The following TENM3 variants were observed in gnomAD, a reference collection of about 807,000 sequenced individuals.
TENM3 encodes the protein teneurin-3.
In TENM3, 63 loss-of-function variants were observed where a neutral mutation model predicts 255.1. The observed-to-expected ratio is 0.25, with a 90% CI of 0.20 to 0.30. The LOEUF (loss-of-function observed/expected upper bound fraction) is 0.30, where lower values mean the gene tolerates loss of function less well. Ranked by LOEUF, TENM3 falls within the 10% of genes least tolerant of loss-of-function variation. The pLI is 1.00. For missense variants in TENM3, 2,929 were observed against 3,461.1 expected (o/e 0.85, Z 3.86); for synonymous variants, 1,306 against 1,322.3 (o/e 0.99, Z 0.27).
At chr4:181,755,577 C>G in the TENM3 span, among the ~76,000 whole-genome samples, 1 of 152,056 alleles carries the variant, frequency 6.6e-6, no homozygotes, top group African/African-American at 2.4e-5. Context: ...GGAAATCAGA[C>G]CAATTATTTA....
At chr4:182,033,340 T>G in the TENM3 span, among the ~76,000 whole-genome samples, 1 of 152,172 alleles carries the variant, frequency 6.6e-6, no homozygotes, top group East Asian at 1.9e-4. Context: ...ACTTTCCATA[T>G]AGTTGTGTGG....
At chr4:182,161,654 C>CAAATATATATATGTATAT (rs1751214135) in intron 1 of TENM3, among the ~76,000 whole-genome samples, 1 of 77,650 alleles carries the variant, frequency 1.3e-5, no homozygotes, top group African/African-American at 5.5e-5. Context: ...TATATATATA[C>CAAATATATATATGTATAT]ACACACACAA....
At chr4:181,652,383 ACT>A in the TENM3 span, among the ~76,000 whole-genome samples, 1 of 152,084 alleles carries the variant, frequency 6.6e-6, no homozygotes, top group Non-Finnish European at 1.5e-5. Context: ...CCTCGCCTAC[ACT>A]CTCTACGAAA....
chr4:182,022,364 A>G, the TENM3 span, among the ~76,000 whole-genome samples: 1 of 151,936 alleles, frequency 6.6e-6, no homozygotes, highest in Non-Finnish European at 1.5e-5. Flanking sequence ...GGACACACAA[A>G]TGGAAACAAC....
chr4:181,892,172 C>T, the TENM3 span, among the ~76,000 whole-genome samples: 17 of 152,288 alleles, frequency 1.1e-4, no homozygotes, highest in African/African-American at 3.8e-4. Context: ...CAGACTAAGA[C>T]ACTTCCTACT....
intron 6 of TENM3, among the ~76,000 whole-genome samples, chr4:182,671,246 T>C (rs11132146): frequency 0.044 from 6,744 of 152,246 alleles, 286 homozygotes; most frequent in East Asian, 0.19. Context: ...AGTATCTTCC[T>C]TAAGGTCACA....
the TENM3 span, chr4:181,976,154 C>G: frequency 6.6e-6 from 1 of 152,456 alleles, no homozygotes; most frequent in African/African-American, 2.4e-5. Flanking sequence ...GGGTCTCACT[C>G]TGTTGCCCAG....
chr4:181,906,969 C>T, the TENM3 span, among the ~76,000 whole-genome samples: 4 of 152,268 alleles, frequency 2.6e-5, no homozygotes, highest in East Asian at 1.9e-4. Context: ...ACCTGCGCCT[C>T]GTGAGTTCAA....
the TENM3 span, among the ~76,000 whole-genome samples, chr4:181,464,759 T>C: frequency 6.6e-6 from 1 of 152,172 alleles, no homozygotes; most frequent in Non-Finnish European, 1.5e-5. Flanking sequence ...GAGACCAGCC[T>C]GGCCAATATG....
the TENM3 span, among the ~76,000 whole-genome samples, chr4:181,556,981 A>G: frequency 6.6e-6 from 1 of 152,156 alleles, no homozygotes; most frequent in Admixed American, 6.5e-5. Context: ...GATGTAAAAA[A>G]TCTTGTTATT....
chr4:181,906,766 G>A, the TENM3 span, among the ~76,000 whole-genome samples: 1 of 152,188 alleles, frequency 6.6e-6, no homozygotes, highest in African/African-American at 2.4e-5. Context: ...GGGCTGGACT[G>A]GAACTCCTGA....
the TENM3 span, among the ~76,000 whole-genome samples, chr4:181,581,015 AC>A: frequency 1.3e-5 from 2 of 152,210 alleles, no homozygotes; most frequent in East Asian, 3.8e-4. Flanking sequence ...AGGGCATACA[AC>A]CAGGGACAGA....
chr4:181,461,993 A>C, the TENM3 span, among the ~76,000 whole-genome samples: 6 of 152,170 alleles, frequency 3.9e-5, no homozygotes, highest in Non-Finnish European at 5.9e-5. Context: ...TTCCTTTCCA[A>C]CAAAAGTATT....
At chr4:182,258,088 AAT>A (rs1758541548) in intron 1 of TENM3, among the ~76,000 whole-genome samples, 1 of 152,190 alleles carries the variant, frequency 6.6e-6, no homozygotes, top group African/African-American at 2.4e-5. Flanking sequence ...ACACACATAA[AAT>A]ATATAGTGTA....
chr4:182,305,304 A>T (rs1048734902), intron 1 of TENM3, among the ~76,000 whole-genome samples: 3 of 152,202 alleles, frequency 2.0e-5, no homozygotes, highest in Non-Finnish European at 4.4e-5. Flanking sequence ...TTTCTTTATC[A>T]ATACTGTAAG....
the TENM3 span, among the ~76,000 whole-genome samples, chr4:181,531,415 G>C: frequency 6.6e-6 from 1 of 152,194 alleles, no homozygotes; most frequent in Admixed American, 6.5e-5. Flanking sequence ...TTATGCATAA[G>C]TATCCCAGAG....
chr4:182,346,006 T>A (rs1261946525), intron 2 of TENM3, among the ~76,000 whole-genome samples: 1 of 152,038 alleles, frequency 6.6e-6, no homozygotes, highest in African/African-American at 2.4e-5. Context: ...ATGCAGCAAA[T>A]TTTTTAGACG....
chr4:182,183,781 C>A (rs72696031), intron 1 of TENM3, among the ~76,000 whole-genome samples: 1 of 152,076 alleles, frequency 6.6e-6, no homozygotes, highest in Non-Finnish European at 1.5e-5. Flanking sequence ...TAATACCACA[C>A]GTACTTATTT....
chr4:182,356,803 G>A (rs910512039), intron 3 of TENM3, among the ~76,000 whole-genome samples: 1 of 151,316 alleles, frequency 6.6e-6, no homozygotes. Context: ...TGCCATGCTG[G>A]TGTGCTGCAC....
Sources: gnomAD v4.1 joint callset for allele counts (sites outside exome capture counted in the v4.1 genomes callset) on GRCh38, gnomAD v4.1.1 for gene constraint, MANE v1.5 for transcripts, NCBI Gene and HGNC (gene_info 2026-07-23, HGNC 2026-07-21) for gene names.